The following PAM variants were observed in gnomAD, a reference collection of about 807,000 sequenced individuals.
PAM encodes peptidyl-glycine alpha-amidating monooxygenase.
In PAM, 72 loss-of-function variants were observed where a neutral mutation model predicts 122.1. The ratio of observed to expected loss-of-function variants is 0.59; its 90% CI spans 0.49 to 0.72. The LOEUF (loss-of-function observed/expected upper bound fraction) is 0.72, where lower values mean the gene tolerates loss of function less well. PAM is among the 30% of genes least tolerant of loss of function. PAM has a pLI of 0.00. For missense variants in PAM, 1,106 were observed against 1,183.7 expected (o/e 0.93, Z 0.96); for synonymous variants, 389 against 404.4 (o/e 0.96, Z 0.46).
chr5:102,887,228 G>C (rs986589510), intron 3 of PAM, among the ~76,000 whole-genome samples: 1 of 151,964 alleles, frequency 6.6e-6, no homozygotes, highest in African/African-American at 2.4e-5. Flanking sequence ...GCCCTCACAT[G>C]GGGGTGAGTG....
intron 3 of PAM, among the ~76,000 whole-genome samples, chr5:102,882,380 C>T (rs1342875761): frequency 6.6e-6 from 1 of 151,560 alleles, no homozygotes; most frequent in African/African-American, 2.4e-5. Flanking sequence ...TCCACACCAA[C>T]ATCTATTATT....
intron 23 of PAM, among the ~76,000 whole-genome samples, chr5:103,023,590 AT>A (rs1784222409): frequency 1.3e-5 from 2 of 152,072 alleles, no homozygotes; most frequent in Admixed American, 1.3e-4. Flanking sequence ...TAGAAAAGTT[AT>A]ATTTGAACCA....
At chr5:102,901,331 G>T (rs764980459) in intron 3 of PAM, 25 bp from the exon 4 acceptor site, 2 of 1,419,426 alleles carry the variant, frequency 1.4e-6, no homozygotes, top group African/African-American at 1.4e-5. Flanking sequence ...GTTTAATTTG[G>T]ATTTTTTAAT....
chr5:102,955,272 A>G (rs1298044173), intron 12 of PAM, among the ~76,000 whole-genome samples: 1 of 151,976 alleles, frequency 6.6e-6, no homozygotes, highest in Non-Finnish European at 1.5e-5. Flanking sequence ...TATCTTTCTA[A>G]TATAATATAT....
chr5:103,010,877 A>T (rs1005923242), intron 21 of PAM, among the ~76,000 whole-genome samples: 1 of 152,200 alleles, frequency 6.6e-6, no homozygotes, highest in Non-Finnish European at 1.5e-5. Flanking sequence ...TAATAATCAC[A>T]TCATAGAAAA....
At chr5:102,908,397 C>T (rs1322401518) in intron 4 of PAM, among the ~76,000 whole-genome samples, 1 of 151,944 alleles carries the variant, frequency 6.6e-6, no homozygotes, top group Non-Finnish European at 1.5e-5. Flanking sequence ...AGTTTGAAGT[C>T]AGGTAGTGTG....
At chr5:103,024,954 C>G (rs984077712) in intron 23 of PAM, among the ~76,000 whole-genome samples, 177 bp from the exon 24 acceptor site, 46 of 152,116 alleles carry the variant, frequency 3.0e-4, no homozygotes, top group African/African-American at 1.0e-3. Flanking sequence ...GTGGAAATAA[C>G]TAATCACAAT....
chr5:102,976,944 G>C (rs1164296840), intron 15 of PAM, among the ~76,000 whole-genome samples: 1 of 152,108 alleles, frequency 6.6e-6, no homozygotes, highest in Non-Finnish European at 1.5e-5. Flanking sequence ...AAGAACACTG[G>C]ACCCTCACTG....
rs773688475 is a variant in PAM, at chr5:102,914,046, AG to A, written c.356+26del. The A allele has an allele frequency of 4.6e-5, 56 of 1,220,570 alleles. No individual in the cohort carries two copies. The East Asian group carries it at 1.3e-3, about 27-fold the overall frequency. 75.6% of individuals were successfully genotyped at this position (1,220,570 alleles called of 1,614,324 possible). On this transcript the variant is annotated intron_variant, in intron 5 of 25. Transcript: ENST00000438793. Reference sequence around the variant, plus strand: ...GGTAAGGATAATGGGTTTACAGTATAGAAGGGTGTAGAAAATGTGTTTTACA... The same window carrying A: ...GGTAAGGATAATGGGTTTACAGTATAAAGGGTGTAGAAAATGTGTTTTACA...
Position 102,784,992 on chromosome 5 carries a change from A to G in PAM, c.-374+29644A>G, listed in dbSNP as rs116186802. On this transcript the variant is annotated intron_variant, in intron 1 of 25. Transcript: ENST00000438793. ...AAAACAACAAAAAAGCAATGCCCGC[A>G]TATAATTGGTTTAGGATTCAGCAAG... 2.1e-3 allele frequency among the ~76,000 whole-genome samples: 319 copies of G among 152,366 alleles called. 1 individual carries two copies. Among genetic ancestry groups the G allele is most frequent in the African/African-American group, 7.3e-3 (305 of 41,592 alleles).
At chr5:103,000,947 TAGG>T (rs890764016) in intron 16 of PAM, among the ~76,000 whole-genome samples, 2 of 152,044 alleles carry the variant, frequency 1.3e-5, no homozygotes, top group Admixed American at 6.6e-5. Context: ...TCTACATAAA[TAGG>T]AGAACAAAAA....
chr5:102,803,232 A>G (rs1361348517), intron 1 of PAM, among the ~76,000 whole-genome samples: 3 of 148,140 alleles, frequency 2.0e-5, no homozygotes, highest in Non-Finnish European at 4.5e-5. Flanking sequence ...GAAGGAAGGA[A>G]GGGAAAAGTA....
intron 1 of PAM, among the ~76,000 whole-genome samples, chr5:102,784,014 C>T (rs908595476): frequency 5.3e-5 from 8 of 152,084 alleles, no homozygotes; most frequent in African/African-American, 1.9e-4. Context: ...CTGCCTCAGC[C>T]TCCCAAGTAG....
chr5:102,985,273 A>G (rs1771414066), intron 15 of PAM, among the ~76,000 whole-genome samples: 1 of 152,070 alleles, frequency 6.6e-6, no homozygotes, highest in African/African-American at 2.4e-5. Context: ...TCAATGAAAA[A>G]AAAGTTGGCT....
chr5:102,942,611 C>T (rs1004784242), intron 7 of PAM, among the ~76,000 whole-genome samples: 5 of 150,804 alleles, frequency 3.3e-5, no homozygotes, highest in African/African-American at 4.9e-5. Flanking sequence ...GAAACAGAGT[C>T]TTGCTCTGTC....
intron 16 of PAM, among the ~76,000 whole-genome samples, chr5:102,995,416 G>A (rs1283382728): frequency 6.6e-6 from 1 of 151,960 alleles, no homozygotes; most frequent in African/African-American, 2.4e-5. Context: ...ATAACTGGTG[G>A]GAGATTTACC....
chr5:102,998,151 T>A (rs757818273), intron 16 of PAM, among the ~76,000 whole-genome samples: 6 of 152,236 alleles, frequency 3.9e-5, no homozygotes, highest in Non-Finnish European at 5.9e-5. Context: ...GAAACCTTTT[T>A]ACTTTCTCCT....
chr5:102,968,677 A>G (rs1197700002), intron 14 of PAM, among the ~76,000 whole-genome samples: 3 of 152,198 alleles, frequency 2.0e-5, no homozygotes, highest in African/African-American at 7.2e-5. Flanking sequence ...TTCTAGTTTG[A>G]GAAACAAATT....
chr5:102,937,445 A>G (rs1193631928), intron 7 of PAM, among the ~76,000 whole-genome samples: 2 of 152,186 alleles, frequency 1.3e-5, no homozygotes, highest in African/African-American at 2.4e-5. Context: ...AGGCCTTTTC[A>G]GTTAAGGGGA....
Sources: allele counts gnomAD v4.1 joint callset (sites outside exome capture counted in the v4.1 genomes callset), GRCh38; gene constraint gnomAD v4.1.1; transcripts MANE v1.5; gene names NCBI Gene and HGNC (gene_info 2026-07-23, HGNC 2026-07-21).